Variants in PICALM observed in about 807,000 individuals in gnomAD.
PICALM encodes the protein phosphatidylinositol binding clathrin assembly protein.
PICALM carries 40 observed loss-of-function variants against 80.5 expected under a neutral mutation model. The ratio of observed to expected loss-of-function variants is 0.50; its 90% CI spans 0.39 to 0.65. The LOEUF is 0.65. PICALM is among the 30% of genes least tolerant of loss of function. The pLI, the probability that PICALM is intolerant of heterozygous loss-of-function variation, is 0.00. For missense variants in PICALM, 676 were observed against 778.9 expected, an observed-to-expected ratio of 0.87 and a Z score of 1.57; for synonymous variants, 288 against 260.3, an observed-to-expected ratio of 1.11 and a Z score of -1.02.
At chr11:85,977,397 A>C (rs920901256) in intron 17 of PICALM, among the ~76,000 whole-genome samples, 3 of 152,218 alleles carry the variant, frequency 2.0e-5, no homozygotes, top group African/African-American at 7.2e-5. Flanking sequence ...ATTATCTGTA[A>C]ACATACAATT....
chr11:85,958,930 A>C lies in PICALM; in HGVS notation c.*116T>G, dbSNP rs925824442. 7.3e-6 allele frequency: 5 copies of C among 686,746 alleles called. No homozygotes were observed. Among genetic ancestry groups the C allele is most frequent in the African/African-American group, 5.3e-5 (3 of 56,252 alleles). 42.5% of individuals were successfully genotyped at this position (686,746 alleles called of 1,614,324 possible). A position where few individuals can be genotyped will look rare whatever the true frequency, so the allele number is the denominator to read the frequency against. On this transcript the variant is annotated 3_prime_UTR_variant, in exon 20 of 20. Transcript: ENST00000393346. ...TCACTGAGTTACTTGTAGCATTCTA[A>C]TGGAAGAAGAGAGTTTAAGAGATTT...
intron 1 of PICALM, among the ~76,000 whole-genome samples, chr11:86,044,047 C>T (rs1313816070): frequency 4.6e-5 from 7 of 152,278 alleles, no homozygotes; most frequent in South Asian, 2.1e-4. Context: ...TAACTGCATA[C>T]TATAATACGC....
At chr11:86,057,206 C>T (rs986593754) in intron 1 of PICALM, among the ~76,000 whole-genome samples, 1 of 151,432 alleles carries the variant, frequency 6.6e-6, no homozygotes, top group Non-Finnish European at 1.5e-5. Flanking sequence ...AATGTGTACT[C>T]TAAAAGGGAA....
intron 11 of PICALM, among the ~76,000 whole-genome samples, chr11:86,000,422 A>G (rs1390994143): frequency 2.0e-5 from 3 of 152,378 alleles, no homozygotes; most frequent in Non-Finnish European, 4.4e-5. Flanking sequence ...TCCTATTAGT[A>G]TAAATCAGTG....
intron 1 of PICALM, among the ~76,000 whole-genome samples, chr11:86,040,148 A>T (rs1451004191): frequency 2.0e-5 from 3 of 152,104 alleles, no homozygotes; most frequent in African/African-American, 7.2e-5. Context: ...CTGTGAAAAA[A>T]TTTCTAATGT....
intron 7 of PICALM, among the ~76,000 whole-genome samples, chr11:86,008,955 A>C (rs1473526284): frequency 6.6e-6 from 1 of 150,924 alleles, no homozygotes; most frequent in South Asian, 2.1e-4. Flanking sequence ...AAAAAGCCAA[A>C]AAAAAAAAAA....
chr11:86,004,821 G>C (rs1002348936), intron 8 of PICALM, among the ~76,000 whole-genome samples: 1 of 152,156 alleles, frequency 6.6e-6, no homozygotes, highest in Non-Finnish European at 1.5e-5. Flanking sequence ...TAGCCCAAGG[G>C]AGACACAGTA....
In PICALM at chr11:85,990,419, TATA is replaced by T. The variant is rs758932169; in HGVS notation, c.1259-23_1259-21del. ...AAGGATCTGTGCAGTCCAAATGTAT[TATA>T]GCAAAATGAAGAAAGGAAGTAAATA... On this transcript the variant is annotated intron_variant, in intron 12 of 19. Transcript: ENST00000393346. 2.0e-6 allele frequency: 3 copies of T among 1,485,716 alleles called. No homozygotes were observed. Among genetic ancestry groups the T allele is most frequent in the Non-Finnish European group, 2.7e-6 (3 of 1,095,570 alleles). The allele number at this position is 1,485,716 out of a possible 1,614,324, so 92.0% of individuals were successfully genotyped here. A position where few individuals can be genotyped will look rare whatever the true frequency, so the allele number is the denominator to read the frequency against.
At chr11:86,022,860 A>G (rs1000312616) in intron 3 of PICALM, among the ~76,000 whole-genome samples, 3 of 152,150 alleles carry the variant, frequency 2.0e-5, no homozygotes, top group Admixed American at 6.5e-5. Flanking sequence ...GCAACTTTAT[A>G]TAATTTTTAT....
intron 1 of PICALM, among the ~76,000 whole-genome samples, chr11:86,064,813 C>A (rs1281741463): frequency 6.6e-6 from 1 of 151,794 alleles, no homozygotes; most frequent in Admixed American, 6.6e-5. Flanking sequence ...CTGGCTCACA[C>A]CTGTAATCCC....
At chr11:86,025,331 C>G (rs548461799) in intron 3 of PICALM, among the ~76,000 whole-genome samples, 1 of 151,698 alleles carries the variant, frequency 6.6e-6, no homozygotes, top group Admixed American at 6.6e-5. Flanking sequence ...ACCCGGGAGG[C>G]GGAGGTTGCA....
intron 13 of PICALM, among the ~76,000 whole-genome samples, chr11:85,984,547 GC>G (rs2094526381): frequency 6.6e-6 from 1 of 152,102 alleles, no homozygotes; most frequent in Non-Finnish European, 1.5e-5. Context: ...GTATCCATAT[GC>G]TTTTAAAACA....
intron 1 of PICALM, among the ~76,000 whole-genome samples, chr11:86,050,533 AAC>A (rs1231517016): frequency 6.6e-6 from 1 of 152,218 alleles, no homozygotes; most frequent in African/African-American, 2.4e-5. Flanking sequence ...TAATTTAAGA[AAC>A]ACAGTCCTTC....
At chr11:86,041,856 G>T (rs1397431478) in intron 1 of PICALM, among the ~76,000 whole-genome samples, 1 of 152,078 alleles carries the variant, frequency 6.6e-6, no homozygotes, top group Non-Finnish European at 1.5e-5. Flanking sequence ...AACAAAAGTG[G>T]AAAGTTTAAG....
chr11:86,055,360 C>T (rs1173735854), intron 1 of PICALM, among the ~76,000 whole-genome samples: 1 of 151,194 alleles, frequency 6.6e-6, no homozygotes, highest in African/African-American at 2.4e-5. Context: ...TGGAAACATA[C>T]AATGACACTA....
chr11:86,057,587 A>ATGTG (rs144096578), intron 1 of PICALM, among the ~76,000 whole-genome samples: 4,283 of 150,824 alleles, frequency 0.028, 67 homozygotes, highest in Middle Eastern at 0.051. Context: ...ATAAAAAATT[A>ATGTG]TGTGTGTGTG....
intron 2 of PICALM, among the ~76,000 whole-genome samples, chr11:86,029,456 C>A (rs936156634): frequency 1.3e-5 from 2 of 152,148 alleles, no homozygotes; most frequent in African/African-American, 4.8e-5. Context: ...GCTTTAACTG[C>A]CTACAGGAAG....
At chr11:85,998,633 T>C (rs2095051870) in intron 11 of PICALM, among the ~76,000 whole-genome samples, 1 of 151,916 alleles carries the variant, frequency 6.6e-6, no homozygotes, top group Non-Finnish European at 1.5e-5. Context: ...CGAAAAATAG[T>C]TGGGCATTGC....
chr11:86,068,575 G>C, intron 1 of PICALM, 76 bp downstream of exon 1: 1 of 1,409,040 alleles, frequency 7.1e-7, no homozygotes, highest in Admixed American at 2.1e-5. Context: ...AAGGGTGAAA[G>C]ACAAGAGAGA....
Sources: gnomAD v4.1 joint callset for allele counts (sites outside exome capture counted in the v4.1 genomes callset) on GRCh38, gnomAD v4.1.1 for gene constraint, MANE v1.5 for transcripts, NCBI Gene and HGNC (gene_info 2026-07-23, HGNC 2026-07-21) for gene names.